The following PDE4D variants were observed in gnomAD, a reference collection of about 807,000 sequenced individuals.
PDE4D encodes the protein phosphodiesterase 4D, also known as 3',5'-cyclic-AMP phosphodiesterase 4D.
PDE4D carries 24 observed loss-of-function variants against 87.4 expected under a neutral mutation model. The ratio of observed to expected loss-of-function variants is 0.27; its 90% CI spans 0.20 to 0.39. PDE4D has a LOEUF of 0.39. Among genes scored for constraint, PDE4D ranks in the 10% least tolerant of loss-of-function variants. The probability of loss-of-function intolerance (pLI) is 1.00; values close to 1 mark genes in which losing one functional copy is unlikely to be tolerated. For missense variants in PDE4D, 714 were observed against 1,041.0 expected (o/e 0.69, Z 4.32); for synonymous variants, 384 against 383.2 (o/e 1.00, Z -0.02).
intron 1 of PDE4D, among the ~76,000 whole-genome samples, chr5:59,400,708 A>G (rs983408942): frequency 7.5e-5 from 11 of 146,902 alleles, no homozygotes; most frequent in African/African-American, 2.8e-4. Flanking sequence ...CAATGTGCAC[A>G]TGTACCCTAA....
intron 2 of PDE4D, among the ~76,000 whole-genome samples, chr5:60,177,133 G>A (rs939268442): frequency 2.6e-5 from 4 of 151,962 alleles, no homozygotes; most frequent in African/African-American, 2.4e-5. Context: ...GCATGTTACC[G>A]CCTGGAACTG....
intron 1 of PDE4D, among the ~76,000 whole-genome samples, chr5:60,198,343 G>C (rs957594191): frequency 1.3e-5 from 2 of 151,464 alleles, no homozygotes; most frequent in African/African-American, 4.8e-5. Flanking sequence ...ATTTATGTAA[G>C]AGATGTTGAT....
intron 1 of PDE4D, among the ~76,000 whole-genome samples, chr5:59,475,203 A>G (rs550356577): frequency 2.2e-5 from 2 of 92,818 alleles, no homozygotes; most frequent in East Asian, 5.3e-4. Context: ...AAGCTGAGGG[A>G]TCCTCAGAGG....
intron 1 of PDE4D, among the ~76,000 whole-genome samples, chr5:59,824,578 T>C (rs1392824624): frequency 3.3e-5 from 5 of 152,242 alleles, no homozygotes; most frequent in Non-Finnish European, 7.3e-5. Context: ...TATCTATCTT[T>C]ATATACAATT....
At chr5:59,152,093 T>C (rs998552925) in intron 5 of PDE4D, among the ~76,000 whole-genome samples, 16 of 152,206 alleles carry the variant, frequency 1.1e-4, no homozygotes, top group Admixed American at 6.5e-5. Context: ...TTTTGAAGCC[T>C]GGCTCCACAG....
intron 1 of PDE4D, among the ~76,000 whole-genome samples, chr5:59,473,394 A>C (rs1802783581): frequency 6.6e-6 from 1 of 152,102 alleles, no homozygotes; most frequent in African/African-American, 2.4e-5. Context: ...TGATATATAC[A>C]CTAATAATTA....
rs1388503642 is a variant in PDE4D at position 60,193,689 on chromosome 5, A to AG, written c.-89-8003_-89-8002insC. Among the ~76,000 whole-genome samples, 1,068 of 146,544 alleles carry AG rather than the reference A, an allele frequency of 7.3e-3. 10 individuals carry two copies. The highest frequency in any genetic ancestry group is 0.026 in the African/African-American group (1,001 of 38,528). ...CGTCTCAAAAAAAAAAAAAAAAAAA[A>AG]AAAGAAAGAAAAAGAAAAAAAGAAA... On this transcript the variant is annotated intron_variant, in intron 1 of 16. Coordinates refer to the PDE4D transcript ENST00000502484.
intron 1 of PDE4D, among the ~76,000 whole-genome samples, chr5:59,284,120 T>G (rs575656947): frequency 6.6e-6 from 1 of 152,198 alleles, no homozygotes; most frequent in Admixed American, 6.5e-5. Flanking sequence ...TTCTTTTCTT[T>G]TACCCCTCTT....
intron 1 of PDE4D, among the ~76,000 whole-genome samples, chr5:59,813,877 C>T (rs1768667325): frequency 6.6e-6 from 1 of 152,096 alleles, no homozygotes; most frequent in Non-Finnish European, 1.5e-5. Flanking sequence ...CACTATAGGT[C>T]CCTTAATGTA....
Position 59,237,089 on chromosome 5 carries a change from A to G in PDE4D, c.456-21121T>C, listed in dbSNP as rs189773846. Among the ~76,000 whole-genome samples the G allele has an allele frequency of 2.9e-3, 435 of 152,162 alleles. 4 individuals carry two copies. Among genetic ancestry groups the G allele is most frequent in the African/African-American group, 0.01 (419 of 41,536 alleles). Reference sequence around the variant, plus strand: ...TACAGATAATGAAGTTTTAGACCCAACCAATTTCTGCCTCATGAAATCATT... The same window carrying G: ...TACAGATAATGAAGTTTTAGACCCAGCCAATTTCTGCCTCATGAAATCATT... On this transcript the variant is annotated intron_variant, in intron 1 of 14. Coordinates refer to ENST00000340635, the MANE Select transcript of PDE4D (RefSeq NM_001104631.2).
intron 1 of PDE4D, among the ~76,000 whole-genome samples, chr5:59,475,121 T>A (rs892356115): frequency 5.3e-5 from 8 of 152,016 alleles, no homozygotes; most frequent in Non-Finnish European, 1.0e-4. Context: ...ATAACTGTAA[T>A]AAGGACCATA....
intron 5 of PDE4D, among the ~76,000 whole-genome samples, chr5:59,097,365 C>A (rs149938154): frequency 6.6e-6 from 1 of 152,252 alleles, no homozygotes; most frequent in African/African-American, 2.4e-5. Context: ...AAGTACAATA[C>A]GAAGTTTCAG....
chr5:59,590,903 A>C (rs1825836407), intron 1 of PDE4D, among the ~76,000 whole-genome samples: 1 of 152,180 alleles, frequency 6.6e-6, no homozygotes, highest in African/African-American at 2.4e-5. Flanking sequence ...AGTATTAACT[A>C]GCCGGTGTCC....
upstream of PDE4D, among the ~76,000 whole-genome samples, chr5:60,492,065 T>G (rs1301576242): frequency 6.6e-6 from 1 of 151,668 alleles, no homozygotes; most frequent in Non-Finnish European, 1.5e-5. Context: ...ATGGCACATG[T>G]ATACATATGT....
chr5:59,627,714 T>A (rs1321216259), intron 1 of PDE4D, among the ~76,000 whole-genome samples: 1 of 152,244 alleles, frequency 6.6e-6, no homozygotes, highest in Non-Finnish European at 1.5e-5. Flanking sequence ...TATAGATTGT[T>A]ATTCATAGCA....
intron 1 of PDE4D, among the ~76,000 whole-genome samples, chr5:60,425,736 G>T (rs1377749048): frequency 6.6e-6 from 1 of 152,180 alleles, no homozygotes; most frequent in African/African-American, 2.4e-5. Flanking sequence ...TACCATCAGA[G>T]TGAACAGGCA....
intron 6 of PDE4D, among the ~76,000 whole-genome samples, chr5:59,029,025 A>G (rs1561340598): frequency 6.6e-6 from 1 of 152,196 alleles, no homozygotes; most frequent in Non-Finnish European, 1.5e-5. Flanking sequence ...TTTAGATTTA[A>G]CAATAAGTTG....
chr5:59,802,396 CTTTTTTT>C (rs60356253), intron 1 of PDE4D, among the ~76,000 whole-genome samples: 2 of 110,386 alleles, frequency 1.8e-5, no homozygotes, highest in Admixed American at 9.6e-5. Context: ...CTTCCATATT[CTTTTTTT>C]TTTTTTTTTT....
intron 1 of PDE4D, among the ~76,000 whole-genome samples, chr5:59,777,394 AAACT>A (rs1764186559): frequency 6.6e-6 from 1 of 152,242 alleles, no homozygotes; most frequent in African/African-American, 2.4e-5. Context: ...GACTATGGAC[AAACT>A]AACAGGACAG....
Sources: gnomAD v4.1 joint callset for allele counts (sites outside exome capture counted in the v4.1 genomes callset) on GRCh38, gnomAD v4.1.1 for gene constraint, MANE v1.5 for transcripts, NCBI Gene and HGNC (gene_info 2026-07-23, HGNC 2026-07-21) for gene names.